The following NELL1 variants were observed in gnomAD, a reference collection of about 807,000 sequenced individuals.
NELL1 encodes the protein neural EGFL like 1, also known as protein kinase C-binding protein NELL1.
Under a neutral mutation model 107.4 loss-of-function variants are expected in NELL1, and 76 were observed. The ratio of observed to expected loss-of-function variants is 0.71; its 90% confidence interval spans 0.59 to 0.86. The LOEUF (loss-of-function observed/expected upper bound fraction) is 0.86, where lower values mean the gene tolerates loss of function less well. Ranked by LOEUF, NELL1 falls within the 40% of genes least tolerant of loss-of-function variation. The probability of loss-of-function intolerance (pLI) is 0.00; values close to 1 mark genes in which losing one functional copy is unlikely to be tolerated. For missense variants in NELL1, 1,024 were observed against 1,005.5 expected, an observed-to-expected ratio of 1.02 and a Z score of -0.25; for synonymous variants, 353 against 341.2, an observed-to-expected ratio of 1.03 and a Z score of -0.38.
intron 3 of NELL1, among the ~76,000 whole-genome samples, chr11:20,833,409 T>C (rs978172057): frequency 6.6e-6 from 1 of 152,194 alleles, no homozygotes; most frequent in Non-Finnish European, 1.5e-5. Flanking sequence ...TGTATCACAA[T>C]CAGCACTAAG....
chr11:21,097,940 A>G (rs916874552), intron 12 of NELL1, among the ~76,000 whole-genome samples: 1 of 152,098 alleles, frequency 6.6e-6, no homozygotes, highest in African/African-American at 2.4e-5. Flanking sequence ...TTTAAGAAAG[A>G]AAGAAAAACA....
At chr11:21,403,246 G>A (rs1317763491) in intron 15 of NELL1, among the ~76,000 whole-genome samples, 1 of 151,540 alleles carries the variant, frequency 6.6e-6, no homozygotes, top group Non-Finnish European at 1.5e-5. Context: ...TAATATCTGA[G>A]GTCTCATGGG....
At chr11:21,397,860 A>G (rs1852015213) in intron 15 of NELL1, among the ~76,000 whole-genome samples, 1 of 151,362 alleles carries the variant, frequency 6.6e-6, no homozygotes, top group African/African-American at 2.4e-5. Context: ...CCCAAGGGAG[A>G]CTTCTTTTCC....
rs147474905 is a variant in NELL1, at chr11:20,749,089, C to G, written c.185-34591C>G. ...TTTATAATCCAGTGATAGAAACAGA[C>G]GTTAAATGATTATAAGTAATGCAGC... On this transcript the variant is annotated intron_variant, in intron 2 of 19. Transcript: ENST00000357134. Among the ~76,000 whole-genome samples, 913 of 150,502 alleles carry G rather than the reference C, an allele frequency of 6.1e-3. 28 individuals are homozygous for G. Among genetic ancestry groups the G allele is most frequent in the African/African-American group, 0.022 (883 of 39,942 alleles).
Position 21,099,008 on chromosome 11 carries a change from A to G in NELL1, c.1301-14581A>G, listed in dbSNP as rs183264786. On this transcript the variant is annotated intron_variant, in intron 12 of 19. Transcript: ENST00000357134. ...GTATTTTAATTGTATTTTTCCAAAA[A>G]CTCGTTTCCTTTACCTAATGTAGGA... 7.1e-4 allele frequency among the ~76,000 whole-genome samples: 107 copies of G among 151,394 alleles called. 1 individual carries two copies. Among genetic ancestry groups the G allele is most frequent in the African/African-American group, 2.5e-3 (103 of 41,262 alleles).
chr11:20,764,144 C>G (rs76410262), intron 2 of NELL1, among the ~76,000 whole-genome samples: 1,701 of 152,302 alleles, frequency 0.011, 32 homozygotes, highest in African/African-American at 0.039. Context: ...CCAAGGCACA[C>G]ACACTTATTC....
At chr11:20,916,658 G>A (rs1218958461) in intron 5 of NELL1, among the ~76,000 whole-genome samples, 1 of 151,872 alleles carries the variant, frequency 6.6e-6, no homozygotes, top group Non-Finnish European at 1.5e-5. Context: ...TTGCCTAGGA[G>A]CCTCTGTTTT....
intron 12 of NELL1, among the ~76,000 whole-genome samples, chr11:21,037,903 T>A (rs996488871): frequency 6.6e-6 from 1 of 152,220 alleles, no homozygotes; most frequent in African/African-American, 2.4e-5. Flanking sequence ...CCAGTTCTTT[T>A]TGACTGATTA....
At chr11:20,790,370 C>A (rs1374388421) in intron 3 of NELL1, among the ~76,000 whole-genome samples, 1 of 152,234 alleles carries the variant, frequency 6.6e-6, no homozygotes, top group Non-Finnish European at 1.5e-5. Context: ...TATGTGCACA[C>A]CCAGCCAGGC....
chr11:21,557,542 C>T (rs1856748565), intron 16 of NELL1, among the ~76,000 whole-genome samples: 1 of 151,996 alleles, frequency 6.6e-6, no homozygotes, highest in Non-Finnish European at 1.5e-5. Context: ...TACTTCCAGA[C>T]AATTTCTGGA....
At chr11:20,861,233 T>C (rs12285309) in intron 4 of NELL1, among the ~76,000 whole-genome samples, 31,606 of 152,136 alleles carry the variant, frequency 0.21, 4,434 homozygotes, top group African/African-American at 0.39. Flanking sequence ...TTCAGATATT[T>C]TCTTTGCATA....
intron 14 of NELL1, among the ~76,000 whole-genome samples, chr11:21,319,153 G>GTT (rs1849946879): frequency 6.6e-6 from 1 of 150,582 alleles, no homozygotes; most frequent in Admixed American, 6.6e-5. Context: ...GTGTGTGTGT[G>GTT]TGTATATGTA....
intron 14 of NELL1, among the ~76,000 whole-genome samples, chr11:21,338,982 A>C (rs974617596): frequency 2.6e-5 from 4 of 152,190 alleles, no homozygotes; most frequent in Admixed American, 6.5e-5. Context: ...AAAAGATGGA[A>C]TCTCCAGTCT....
At chr11:21,518,399 T>C (rs1409961891) in intron 15 of NELL1, among the ~76,000 whole-genome samples, 2 of 152,150 alleles carry the variant, frequency 1.3e-5, no homozygotes, top group Non-Finnish European at 2.9e-5. Context: ...CATTTGGAGG[T>C]GAATTATCTT....
chr11:20,805,703 C>T (rs918343064), intron 3 of NELL1, among the ~76,000 whole-genome samples: 21 of 152,198 alleles, frequency 1.4e-4, no homozygotes, highest in African/African-American at 4.8e-4. Flanking sequence ...GGCATTTCAC[C>T]GTGTTAGCCA....
At chr11:21,283,993 G>C in intron 14 of NELL1, 1 of 351,126 alleles carries the variant, frequency 2.8e-6, no homozygotes, top group South Asian at 2.2e-5. Context: ...AACTTATGCT[G>C]CCTGTCAAGA....
intron 14 of NELL1, among the ~76,000 whole-genome samples, chr11:21,342,413 G>GGT (rs1850587974): frequency 6.8e-6 from 1 of 146,448 alleles, no homozygotes; most frequent in Non-Finnish European, 1.5e-5. Flanking sequence ...GGCTTAAGTG[G>GGT]GGGGGGGGGT....
At chr11:21,244,707 C>A (rs755043431) in intron 14 of NELL1, among the ~76,000 whole-genome samples, 1 of 152,108 alleles carries the variant, frequency 6.6e-6, no homozygotes, top group Non-Finnish European at 1.5e-5. Flanking sequence ...CCTGTCTCTT[C>A]CAGGATAGAT....
intron 16 of NELL1, among the ~76,000 whole-genome samples, chr11:21,544,685 C>A (rs1037696552): frequency 2.0e-5 from 3 of 151,870 alleles, no homozygotes; most frequent in Non-Finnish European, 4.4e-5. Flanking sequence ...GGACAAAGAG[C>A]CTGTACTTTA....
Sources: allele counts gnomAD v4.1 joint callset (sites outside exome capture counted in the v4.1 genomes callset), GRCh38; gene constraint gnomAD v4.1.1; transcripts MANE v1.5; gene names NCBI Gene and HGNC (gene_info 2026-07-23, HGNC 2026-07-21).